NKAIN2: variants seen among roughly 807,000 people sequenced by gnomAD.
NKAIN2 encodes sodium/potassium-transporting ATPase subunit beta-1-interacting protein 2.
A neutral mutation model predicts 32.6 loss-of-function variants in NKAIN2; 14 were observed. That is an observed-to-expected ratio of 0.43 (90% CI 0.28 to 0.67). The LOEUF is 0.67. NKAIN2 is among the 30% of genes least tolerant of loss of function. The probability of loss-of-function intolerance (pLI) is 0.17; values close to 1 mark genes in which losing one functional copy is unlikely to be tolerated. For missense variants in NKAIN2, 198 were observed against 258.3 expected (o/e 0.77, Z 1.60); for synonymous variants, 80 against 87.2 (o/e 0.92, Z 0.46).
At chr6:124,160,188 A>G (rs1788199409) in intron 1 of NKAIN2, among the ~76,000 whole-genome samples, 1 of 152,120 alleles carries the variant, frequency 6.6e-6, no homozygotes, top group South Asian at 2.1e-4. Flanking sequence ...TGAAAAAGGG[A>G]CAGAGCTAGA....
chr6:124,805,357 C>A (rs1166477722), intron 5 of NKAIN2, among the ~76,000 whole-genome samples: 1 of 152,200 alleles, frequency 6.6e-6, no homozygotes, highest in Non-Finnish European at 1.5e-5. Context: ...TCTGCAGACA[C>A]CGCTGCTGAC....
chr6:124,171,588 G>A (rs561495758), intron 1 of NKAIN2, among the ~76,000 whole-genome samples: 1 of 105,338 alleles, frequency 9.5e-6, no homozygotes, highest in East Asian at 3.0e-4. Context: ...GTCTTGCTCT[G>A]TTGCCCAGGC....
intron 1 of NKAIN2, among the ~76,000 whole-genome samples, chr6:124,130,145 A>G (rs899086712): frequency 1.2e-4 from 19 of 152,114 alleles, no homozygotes; most frequent in African/African-American, 4.6e-4. Context: ...ATAAGGGAGT[A>G]TTTCCTAGAG....
chr6:124,623,832 A>T lies in NKAIN2; in HGVS notation c.274-34354A>T, dbSNP rs540337138. Among the ~76,000 whole-genome samples, 6 of 152,294 alleles carry T rather than the reference A, an allele frequency of 3.9e-5. No individual in the cohort carries two copies. In the South Asian group the frequency reaches 1.2e-3, roughly 32 times the overall value. On this transcript the variant is annotated intron_variant, in intron 3 of 6. Transcript: ENST00000368417. ...CTGATGTAGAAGGAGAGATGGCAGT[A>T]GATCTTTGCAGGTTTTCCTGGCCTT...
At chr6:124,294,249 A>G (rs367749737) in intron 2 of NKAIN2, among the ~76,000 whole-genome samples, 30 of 152,142 alleles carry the variant, frequency 2.0e-4, no homozygotes, top group African/African-American at 6.7e-4. Context: ...AATCTGCTCT[A>G]GTAGTAACTC....
chr6:124,182,458 A>G (rs1789492256), intron 1 of NKAIN2, among the ~76,000 whole-genome samples: 1 of 152,156 alleles, frequency 6.6e-6, no homozygotes, highest in Non-Finnish European at 1.5e-5. Context: ...GTCTTATTCA[A>G]CTCTGTATTC....
At chr6:124,159,265 C>G (rs189843355) in intron 1 of NKAIN2, among the ~76,000 whole-genome samples, 2 of 152,262 alleles carry the variant, frequency 1.3e-5, no homozygotes, top group Middle Eastern at 3.4e-3. Flanking sequence ...TATGCAAACA[C>G]TGATGGATTA....
intron 1 of NKAIN2, among the ~76,000 whole-genome samples, chr6:123,958,157 G>A (rs554815228): frequency 2.6e-5 from 4 of 152,176 alleles, no homozygotes; most frequent in East Asian, 3.9e-4. Context: ...CTAGGACACC[G>A]ACCAGTGTAG....
intron 3 of NKAIN2, among the ~76,000 whole-genome samples, chr6:124,383,859 A>G (rs112351153): frequency 6.6e-6 from 1 of 152,100 alleles, no homozygotes; most frequent in Non-Finnish European, 1.5e-5. Flanking sequence ...TGGACCATCA[A>G]CTAGCTTGGC....
At chr6:124,147,548 C>T (rs554241976) in intron 1 of NKAIN2, among the ~76,000 whole-genome samples, 1 of 152,082 alleles carries the variant, frequency 6.6e-6, no homozygotes, top group South Asian at 2.1e-4. Context: ...TCTCAGAGAA[C>T]CTTGAGAGTT....
At chr6:124,601,509 A>G (rs748552957) in intron 3 of NKAIN2, among the ~76,000 whole-genome samples, 1 of 152,046 alleles carries the variant, frequency 6.6e-6, no homozygotes, top group African/African-American at 2.4e-5. Context: ...CATATAGTTC[A>G]AAAGTGCCAC....
intron 1 of NKAIN2, among the ~76,000 whole-genome samples, chr6:124,120,534 A>C (rs1043156237): frequency 6.6e-6 from 1 of 152,194 alleles, no homozygotes; most frequent in Non-Finnish European, 1.5e-5. Context: ...AATGATAAAA[A>C]TGAGGTAGAG....
chr6:124,674,648 T>G (rs2114484648), intron 4 of NKAIN2, among the ~76,000 whole-genome samples: 1 of 152,168 alleles, frequency 6.6e-6, no homozygotes, highest in South Asian at 2.1e-4. Flanking sequence ...TTAATTTCTT[T>G]TTCAGATTAT....
chr6:123,826,718 C>T (rs1297480064), intron 1 of NKAIN2, among the ~76,000 whole-genome samples: 3 of 152,078 alleles, frequency 2.0e-5, no homozygotes, highest in Non-Finnish European at 4.4e-5. Flanking sequence ...CTGAATAATA[C>T]TCCATTTTGT....
chr6:124,232,321 G>A (rs1412270743), intron 1 of NKAIN2, among the ~76,000 whole-genome samples: 1 of 152,034 alleles, frequency 6.6e-6, no homozygotes, highest in Non-Finnish European at 1.5e-5. Flanking sequence ...AGATGAACTA[G>A]AAAAGGCCAA....
At chr6:124,127,757 C>A (rs1385917447) in intron 1 of NKAIN2, among the ~76,000 whole-genome samples, 1 of 152,088 alleles carries the variant, frequency 6.6e-6, no homozygotes, top group African/African-American at 2.4e-5. Flanking sequence ...TACATTTCCG[C>A]CAACCTGGGC....
At chr6:124,219,564 C>A (rs1791694231) in intron 1 of NKAIN2, among the ~76,000 whole-genome samples, 1 of 152,038 alleles carries the variant, frequency 6.6e-6, no homozygotes. Flanking sequence ...AACTGTGAGC[C>A]ACCACGCCCG....
intron 1 of NKAIN2, among the ~76,000 whole-genome samples, chr6:124,228,070 T>C (rs1316125083): frequency 6.6e-6 from 1 of 152,166 alleles, no homozygotes; most frequent in East Asian, 1.9e-4. Flanking sequence ...AGATCTCATA[T>C]CTCTTCTTAT....
chr6:124,256,758 G>A (rs1793953528), intron 1 of NKAIN2, among the ~76,000 whole-genome samples: 1 of 152,026 alleles, frequency 6.6e-6, no homozygotes, highest in Admixed American at 6.6e-5. Flanking sequence ...CTGATACATT[G>A]TAAACACTAA....
Sources: allele counts gnomAD v4.1 joint callset (sites outside exome capture counted in the v4.1 genomes callset), GRCh38; gene constraint gnomAD v4.1.1; transcripts MANE v1.5; gene names NCBI Gene and HGNC (gene_info 2026-07-23, HGNC 2026-07-21).